Variants in SLC25A24 observed in about 807,000 individuals in gnomAD.
SLC25A24 encodes solute carrier family 25 member 24.
SLC25A24 carries 49 observed loss-of-function variants against 60.7 expected under a neutral mutation model. The observed-to-expected ratio is 0.81, with a 90% CI of 0.64 to 1.02. The LOEUF is 1.02. Among genes scored for constraint, SLC25A24 ranks in the 50% least tolerant of loss-of-function variants. The probability of loss-of-function intolerance (pLI) is 0.00; values close to 1 mark genes in which losing one functional copy is unlikely to be tolerated. For missense variants in SLC25A24, 564 were observed against 586.3 expected, an observed-to-expected ratio of 0.96 and a Z score of 0.39; for synonymous variants, 202 against 200.6, an observed-to-expected ratio of 1.01 and a Z score of -0.06.
At chr1:108,165,192 TG>T (rs1477126227) in intron 3 of SLC25A24, among the ~76,000 whole-genome samples, 2 of 152,104 alleles carry the variant, frequency 1.3e-5, no homozygotes, top group Non-Finnish European at 2.9e-5. Context: ...TTACATTTGG[TG>T]AGGAGTGCTT....
intron 3 of SLC25A24, among the ~76,000 whole-genome samples, chr1:108,180,199 A>C (rs949634047): frequency 7.6e-5 from 11 of 144,212 alleles, no homozygotes; most frequent in African/African-American, 2.8e-4. Context: ...ACCCGTCTCT[A>C]GTAAAAATAA....
intron 5 of SLC25A24, among the ~76,000 whole-genome samples, chr1:108,156,971 T>C (rs1341648827): frequency 1.3e-5 from 2 of 152,196 alleles, no homozygotes; most frequent in Non-Finnish European, 2.9e-5. Flanking sequence ...TATTAATTCT[T>C]TTCCATTCCC....
Position 108,136,656 on chromosome 1 carries a change from T to G in SLC25A24, c.1431A>C (p.Lys477Asn). 6.2e-7 allele frequency: 1 copy of G among 1,611,586 alleles called. No individual in the cohort carries two copies. Among genetic ancestry groups the G allele is most frequent in the Non-Finnish European group, 8.5e-7 (1 of 1,178,316 alleles). ...GGCTAAAGCAAAAAATGCAACATCATTTCTGGGTTACTCCTAAAGTTTGCT... is the reference window on the plus strand; with the variant it reads ...GGCTAAAGCAAAAAATGCAACATCAGTTCTGGGTTACTCCTAAAGTTTGCT... ...NMKQTLGVTQ[K>N] Residue 477 changes from lysine (K) to asparagine (N), a missense_variant, in exon 10 of 10, where the codon AAA becomes AAC. Lys to Asn is a moderately conservative substitution (Grantham distance 94, BLOSUM62 0). Coordinates refer to ENST00000565488, the MANE Select transcript of SLC25A24 (RefSeq NM_013386.5).
chr1:108,170,183 A>G (rs1390390177), intron 3 of SLC25A24, among the ~76,000 whole-genome samples: 5 of 152,208 alleles, frequency 3.3e-5, no homozygotes, highest in Non-Finnish European at 7.4e-5. Flanking sequence ...TAATGTTTTC[A>G]AGTCAACGTG....
chr1:108,140,098 T>C (rs529482678), intron 8 of SLC25A24, among the ~76,000 whole-genome samples: 3 of 152,178 alleles, frequency 2.0e-5, no homozygotes, highest in Non-Finnish European at 4.4e-5. Context: ...TAATATGTTA[T>C]ATAACAAGTT....
rs200470374 is a variant in SLC25A24 at position 108,157,456 on chromosome 1, G to C, written c.669+6C>G. 8.5e-5 allele frequency: 137 copies of C among 1,611,898 alleles called. No individual in the cohort carries two copies. The highest frequency in any genetic ancestry group is 3.3e-4 in the Middle Eastern group (2 of 6,056). On this transcript the variant is annotated splice_donor_region_variant and intron_variant, in intron 5 of 9. Coordinates refer to ENST00000565488, the MANE Select transcript of SLC25A24 (RefSeq NM_013386.5). ...GCAAACCTGGACACACGATAATAAA[G>C]CTCACCTGCATCATGATTTTCAGAC...
Position 108,143,608 on chromosome 1 carries a change from T to G in SLC25A24, c.1033A>C (p.Lys345Gln). 6.2e-7 allele frequency: 1 copy of G among 1,613,878 alleles called. No homozygotes were observed. ...LKHEGLGAFYKGYVPNLLGII... is the reference protein window; with the variant it reads ...LKHEGLGAFYQGYVPNLLGII... ...CCTAATAAATTGGGAACATAGCCTT[T>G]GTAAAAAGCTCCCAAGCCTTCATGT... Residue 345 changes from lysine to glutamine, a missense_variant, in exon 8 of 10, where the codon AAA becomes CAA. Coordinates refer to ENST00000565488, the MANE Select transcript of SLC25A24 (RefSeq NM_013386.5).
At chr1:108,173,475 T>G (rs1046981633) in intron 3 of SLC25A24, among the ~76,000 whole-genome samples, 2 of 152,190 alleles carry the variant, frequency 1.3e-5, no homozygotes, top group Admixed American at 6.5e-5. Context: ...AAACTGTGAG[T>G]CAATTAAACC....
At position 108,164,875 on chromosome 1, in the gene SLC25A24, T is replaced by A. The variant is rs540839047; in HGVS notation, c.399-3582A>T. On this transcript the variant is annotated intron_variant, in intron 3 of 9. Coordinates refer to ENST00000565488, the MANE Select transcript of SLC25A24 (RefSeq NM_013386.5). ...GCTCTTGCTTTTCTAGTTCTTTTAATTGTGATGTTAGGGTGTCAATTTTGG... is the reference window on the plus strand; with the variant it reads ...GCTCTTGCTTTTCTAGTTCTTTTAAATGTGATGTTAGGGTGTCAATTTTGG... Among the ~76,000 whole-genome samples, 13 of 102,142 alleles carry A rather than the reference T, an allele frequency of 1.3e-4. No individual in the cohort carries two copies. The East Asian group carries it at 1.5e-3, about 12-fold the overall frequency. 67.0% of individuals were successfully genotyped at this position (102,142 alleles called of 152,430 possible). A position where few individuals can be genotyped will look rare whatever the true frequency, so the allele number is the denominator to read the frequency against.
At chr1:108,173,505 C>T (rs1647556542) in intron 3 of SLC25A24, among the ~76,000 whole-genome samples, 1 of 152,152 alleles carries the variant, frequency 6.6e-6, no homozygotes, top group Admixed American at 6.6e-5. Flanking sequence ...TATAAAATAC[C>T]CATTCTCAGG....
chr1:108,140,819 CAAA>C (rs56793680), intron 8 of SLC25A24, among the ~76,000 whole-genome samples: 7 of 129,376 alleles, frequency 5.4e-5, no homozygotes, highest in Middle Eastern at 3.5e-3. Context: ...CATATCACTA[CAAA>C]AAAAAAAAAA....
intron 1 of SLC25A24, among the ~76,000 whole-genome samples, chr1:108,196,726 T>C (rs1571313648): frequency 1.3e-5 from 2 of 152,190 alleles, no homozygotes; most frequent in African/African-American, 4.8e-5. Context: ...TCTCACTGTG[T>C]CCTCACATGG....
At chr1:108,156,905 C>A (rs1177136845) in intron 5 of SLC25A24, among the ~76,000 whole-genome samples, 3 of 152,184 alleles carry the variant, frequency 2.0e-5, no homozygotes, top group East Asian at 1.9e-4. Context: ...TGATAAAATA[C>A]CTACTTCACT....
At chr1:108,152,462 G>A (rs1679782860) in intron 6 of SLC25A24, among the ~76,000 whole-genome samples, 2 of 152,190 alleles carry the variant, frequency 1.3e-5, no homozygotes, top group Non-Finnish European at 2.9e-5. Context: ...TGCCTCTCGA[G>A]CTCAAGTGAT....
intron 4 of SLC25A24, among the ~76,000 whole-genome samples, chr1:108,159,021 C>T (rs1385523766): frequency 6.6e-6 from 1 of 151,862 alleles, no homozygotes; most frequent in Non-Finnish European, 1.5e-5. Context: ...AAAACAAAAA[C>T]AAAAACAAAA....
rs531768610 is a variant in SLC25A24 at position 108,151,537 on chromosome 1, G to A, written c.823-3151C>T. On this transcript the variant is annotated intron_variant, in intron 6 of 9. Transcript: ENST00000565488. ...ACCGTTTCCTTCCACTGACTCCTAT[G>A]CCATCCCTCTCTCTGGATTTTCTCC... Among the ~76,000 whole-genome samples, 5 of 152,214 alleles carry A rather than the reference G, an allele frequency of 3.3e-5. No individual in the cohort carries two copies. The South Asian group carries it at 1.0e-3, about 32-fold the overall frequency.
intron 3 of SLC25A24, among the ~76,000 whole-genome samples, chr1:108,180,616 A>ATCTCTCTCCTCTC (rs1553256121): frequency 8.1e-5 from 5 of 61,748 alleles, no homozygotes; most frequent in African/African-American, 3.4e-4. Flanking sequence ...CAAGAGAAAG[A>ATCTCTCTCCTCTC]TCTCTCTCTC....
chr1:108,164,630 G>A (rs1215542568), intron 3 of SLC25A24, among the ~76,000 whole-genome samples: 2 of 149,520 alleles, frequency 1.3e-5, no homozygotes, highest in Non-Finnish European at 3.0e-5. Flanking sequence ...TGTGGGATTG[G>A]TGGTGATATC....
At chr1:108,161,390 A>G (rs992297785) in intron 3 of SLC25A24, 97 bp from the exon 4 acceptor site, 1 of 695,806 alleles carries the variant, frequency 1.4e-6, no homozygotes, top group Non-Finnish European at 2.5e-6. Flanking sequence ...CTTTTCTAAC[A>G]TAATATTCTC....
Sources: allele counts gnomAD v4.1 joint callset (sites outside exome capture counted in the v4.1 genomes callset), GRCh38; gene constraint gnomAD v4.1.1; transcripts MANE v1.5; gene names NCBI Gene and HGNC (gene_info 2026-07-23, HGNC 2026-07-21).